The following CR1 variants were observed in gnomAD, a reference collection of about 807,000 sequenced individuals.
The protein encoded by CR1 is complement receptor type 1.
Under a neutral mutation model 187.3 loss-of-function variants are expected in CR1, and 116 were observed. The observed-to-expected ratio is 0.62, with a 90% CI of 0.53 to 0.72. CR1 has a LOEUF of 0.72. Ranked by LOEUF, CR1 falls within the 30% of genes least tolerant of loss-of-function variation. The probability of loss-of-function intolerance (pLI) is 0.00; values close to 1 mark genes in which losing one functional copy is unlikely to be tolerated. For synonymous variants in CR1, 576 were observed against 747.1 expected, an observed-to-expected ratio of 0.77 and a Z score of 3.73; for missense variants, 1,731 against 2,110.7, an observed-to-expected ratio of 0.82 and a Z score of 3.52.
chr1:207,509,762 ATCCCTTGT>A (rs1195298706), intron 3 of CR1, among the ~76,000 whole-genome samples: 4 of 152,198 alleles, frequency 2.6e-5, no homozygotes, highest in Non-Finnish European at 5.9e-5. Flanking sequence ...AGCCTCCAGG[ATCCCTTGT>A]TCCTAAGACA....
intron 19 of CR1, among the ~76,000 whole-genome samples, chr1:207,554,602 C>T (rs1660345001): frequency 3.0e-5 from 1 of 33,122 alleles, no homozygotes. Flanking sequence ...CAGCCCATGG[C>T]TGAAGGAGTA....
intron 24 of CR1, 99 bp from the exon 25 acceptor site, chr1:207,567,725 T>G: frequency 1.4e-6 from 2 of 1,455,794 alleles, no homozygotes; most frequent in Non-Finnish European, 9.5e-7. Flanking sequence ...GTCATCTCCT[T>G]AGCATATTTT....
chr1:207,522,266 A>AT (rs1240087208), intron 4 of CR1, among the ~76,000 whole-genome samples: 2 of 152,108 alleles, frequency 1.3e-5, no homozygotes, highest in African/African-American at 4.8e-5. Context: ...AGGAACTGTG[A>AT]TTTTCCAGGG....
chr1:207,607,117 G>T, intron 35 of CR1, 134 bp from the exon 36 acceptor site: 1 of 605,484 alleles, frequency 1.7e-6, no homozygotes, highest in Non-Finnish European at 3.0e-6. Context: ...TGGAGATGGG[G>T]TTTCTTCCTT....
chr1:207,632,797 CAAAAA>C (rs55649027), intron 46 of CR1, among the ~76,000 whole-genome samples: 19 of 107,640 alleles, frequency 1.8e-4, no homozygotes, highest in African/African-American at 7.1e-4. Flanking sequence ...GACTCCGTCT[CAAAAA>C]AAAAAAAAAA....
At position 207,640,809 on chromosome 1, in the gene CR1, A is replaced by G. The variant is rs1221266300; in HGVS notation, c.*1400A>G. 1 of 152,224 alleles carries G rather than the reference A, an allele frequency of 6.6e-6. No homozygotes were observed. The highest frequency in any genetic ancestry group is 2.4e-5 in the African/African-American group (1 of 41,452). The allele number at this position is 152,224 out of a possible 1,614,324, so 9.4% of individuals were successfully genotyped here. A position where few individuals can be genotyped will look rare whatever the true frequency, so the allele number is the denominator to read the frequency against. ...GCTCATTTCTATGTAATTCTGTTTA[A>G]TAGTTGCTTTAAAGGTGAATTTTGC... On this transcript the variant is annotated 3_prime_UTR_variant, in exon 47 of 47. Coordinates refer to ENST00000367049, the MANE Select transcript of CR1 (RefSeq NM_000651.6).
chr1:207,500,541 G>T (rs1572983178), intron 1 of CR1, among the ~76,000 whole-genome samples: 1 of 152,156 alleles, frequency 6.6e-6, no homozygotes, highest in East Asian at 1.9e-4. Context: ...ATGTGAAAGT[G>T]GGCTGAGTCA....
At chr1:207,497,967 A>G (rs1372161581) in intron 1 of CR1, among the ~76,000 whole-genome samples, 1 of 152,184 alleles carries the variant, frequency 6.6e-6, no homozygotes, top group East Asian at 1.9e-4. Flanking sequence ...TCTGCACCCA[A>G]AGTGTATGCA....
At chr1:207,606,983 T>C (rs1661770687) in intron 35 of CR1, among the ~76,000 whole-genome samples, 1 of 152,164 alleles carries the variant, frequency 6.6e-6, no homozygotes, top group South Asian at 2.1e-4. Context: ...AAGACTTAAG[T>C]ACAAAAATGT....
rs372752856 is a variant in CR1 at position 207,612,021 on chromosome 1, G to A, written c.6555G>A (p.Val2185=). ...TTAATCTCCAGCTTGGGGCAAAGGT[G>A]TCCTTTGTTTGCGATGAAGGGTGAG... ...LPLNLQLGAK[V]SFVCDEGFRL... is the part of the protein sequence containing the mutation. The change falls in exon 39 of 47, where the codon GTG becomes GTA. Residue 2185 remains valine (V), a synonymous_variant. Coordinates refer to ENST00000367049, the MANE Select transcript of CR1 (RefSeq NM_000651.6). The A allele has an allele frequency of 7.4e-6, 12 of 1,614,024 alleles. No homozygotes were observed. The East Asian group carries it at 2.7e-4, about 36-fold the overall frequency.
chr1:207,636,103 A>G (rs1348994249), intron 46 of CR1, among the ~76,000 whole-genome samples: 1 of 151,566 alleles, frequency 6.6e-6, no homozygotes, highest in Non-Finnish European at 1.5e-5. Flanking sequence ...AACCGCCATC[A>G]TCATCATGGC....
chr1:207,601,899 G>A (rs1241722997), intron 35 of CR1, among the ~76,000 whole-genome samples: 3 of 151,862 alleles, frequency 2.0e-5, no homozygotes, highest in Admixed American at 1.3e-4. Context: ...TTTTGTTCTT[G>A]ACTTGGACTG....
intron 35 of CR1, among the ~76,000 whole-genome samples, chr1:207,593,773 C>T (rs551179549): frequency 6.6e-6 from 1 of 151,964 alleles, no homozygotes; most frequent in East Asian, 1.9e-4. Flanking sequence ...GAAAAAACAA[C>T]CCTATCGAAA....
At chr1:207,628,642 GT>G (rs1450996511) in intron 45 of CR1, among the ~76,000 whole-genome samples, 3 of 152,170 alleles carry the variant, frequency 2.0e-5, no homozygotes, top group African/African-American at 7.2e-5. Context: ...TGAACTCTTT[GT>G]GCTAGTATTT....
At chr1:207,502,841 G>A (rs1028117500) in intron 1 of CR1, among the ~76,000 whole-genome samples, 5 of 152,170 alleles carry the variant, frequency 3.3e-5, no homozygotes, top group Admixed American at 1.3e-4. Flanking sequence ...CTCTCTGTCC[G>A]GGGTCCCGTG....
intron 35 of CR1, among the ~76,000 whole-genome samples, chr1:207,593,084 C>CAAAAAAAAAAAAAAAAAA (rs57700679): frequency 6.0e-5 from 5 of 83,114 alleles, no homozygotes; most frequent in African/African-American, 2.0e-4. Context: ...CACAGAATTA[C>CAAAAAAAAAAAAAAAAAA]AAAAAAAAAA....
Position 207,565,811 on chromosome 1 carries a change from A to G in CR1, c.3867-27A>G, listed in dbSNP as rs373539320. ...AGTGTCCTCTTGGCTGAAACAGCTC[A>G]CTATTCACTCCTATTTTCTTCTTTA... On this transcript the variant is annotated intron_variant, in intron 23 of 46. Transcript: ENST00000367049. 5.7e-4 allele frequency: 914 copies of G among 1,609,968 alleles called. 11 individuals are homozygous for G. The highest frequency in any genetic ancestry group is 7.1e-4 in the Non-Finnish European group (833 of 1,179,260).
intron 45 of CR1, among the ~76,000 whole-genome samples, chr1:207,626,681 A>T (rs1482739822): frequency 6.6e-6 from 1 of 152,246 alleles, no homozygotes; most frequent in Admixed American, 6.5e-5. Context: ...GTGCAGGCTG[A>T]CTTCTACCTC....
intron 46 of CR1, among the ~76,000 whole-genome samples, chr1:207,631,837 G>A (rs761895624): frequency 5.9e-5 from 9 of 152,206 alleles, no homozygotes; most frequent in Non-Finnish European, 1.0e-4. Flanking sequence ...GGCCAGTCCT[G>A]TAGAAAGCAG....
Sources: allele counts gnomAD v4.1 joint callset (sites outside exome capture counted in the v4.1 genomes callset), GRCh38; gene constraint gnomAD v4.1.1; transcripts MANE v1.5; gene names NCBI Gene and HGNC (gene_info 2026-07-23, HGNC 2026-07-21).